The following STRN3 variants were observed in gnomAD, a reference collection of about 807,000 sequenced individuals.
STRN3 encodes striatin 3, also known as striatin-3.
Under a neutral mutation model 95.6 loss-of-function variants are expected in STRN3, and 29 were observed. That is an observed-to-expected ratio of 0.30 (90% CI 0.23 to 0.41). STRN3 has a LOEUF of 0.41. Among genes scored for constraint, STRN3 ranks in the 10% least tolerant of loss-of-function variants. The pLI is 1.00. For missense variants in STRN3, 890 were observed against 972.1 expected, an observed-to-expected ratio of 0.92 and a Z score of 1.12; for synonymous variants, 331 against 357.6, an observed-to-expected ratio of 0.93 and a Z score of 0.84.
intron 16 of STRN3, among the ~76,000 whole-genome samples, chr14:30,899,606 G>A (rs1896250214): frequency 6.6e-6 from 1 of 152,032 alleles, no homozygotes; most frequent in South Asian, 2.1e-4. Flanking sequence ...TTCTGTTCCT[G>A]AGAAAGTTTC....
At chr14:31,025,730 A>T in intron 1 of STRN3, 174 bp downstream of exon 1, 1 of 871,994 alleles carries the variant, frequency 1.1e-6, no homozygotes, top group Non-Finnish European at 1.7e-6. Flanking sequence ...TGCGGGAAAG[A>T]GGGAGGGGGA....
At chr14:30,977,429 C>G (rs757651310) in intron 1 of STRN3, among the ~76,000 whole-genome samples, 4 of 151,124 alleles carry the variant, frequency 2.6e-5, no homozygotes, top group Non-Finnish European at 5.9e-5. Flanking sequence ...GCCAGGCTAG[C>G]AAAAAAGGGG....
intron 14 of STRN3, 35 bp from the exon 15 acceptor site, chr14:30,905,593 A>G (rs776874248): frequency 1.3e-6 from 2 of 1,555,014 alleles, no homozygotes; most frequent in Non-Finnish European, 1.7e-6. Flanking sequence ...ATGTAAACAA[A>G]GTAAAATTAC....
intron 1 of STRN3, among the ~76,000 whole-genome samples, chr14:31,007,633 T>C (rs1183515859): frequency 6.6e-6 from 1 of 152,102 alleles, no homozygotes; most frequent in African/African-American, 2.4e-5. Flanking sequence ...TCAGGTGCAG[T>C]GGTTCACATC....
intron 9 of STRN3, among the ~76,000 whole-genome samples, chr14:30,914,284 C>T (rs1896679892): frequency 6.6e-6 from 1 of 152,190 alleles, no homozygotes; most frequent in Non-Finnish European, 1.5e-5. Flanking sequence ...AAAAATTCTT[C>T]CACCAACAAT....
intron 8 of STRN3, among the ~76,000 whole-genome samples, chr14:30,927,729 C>T (rs1283871265): frequency 6.6e-6 from 1 of 151,734 alleles, no homozygotes; most frequent in East Asian, 1.9e-4. Flanking sequence ...GAGATTGAGA[C>T]CATCCTGGCT....
Position 31,026,067 on chromosome 14 carries a change from C to T in STRN3, c.119G>A (p.Gly40Asp), listed in dbSNP as rs1241717390. The change falls in exon 1 of 18, where the codon GGC becomes GAC. Residue 40 changes from glycine to aspartate, a missense_variant. Gly to Asp is a moderately conservative substitution (Grantham distance 94). Transcript: ENST00000357479. ...LSPGGNGAAGGGGPPASEGAG... is the reference protein window; with the variant it reads ...LSPGGNGAAGDGGPPASEGAG... ...TCCCTCGGAGGCCGGAGGACCCCCG[C>T]CGCCCGCCGCTCCGTTCCCCCCGGG... The T allele has an allele frequency of 1.3e-6, 2 of 1,521,078 alleles. No homozygotes were observed. Among genetic ancestry groups the T allele is most frequent in the African/African-American group, 1.4e-5 (1 of 70,650 alleles). The allele number at this position is 1,521,078 out of a possible 1,614,324, so 94.2% of individuals were successfully genotyped here.
chr14:30,984,266 T>TAAAAAAAAAAAAAAA (rs755650146), intron 1 of STRN3, among the ~76,000 whole-genome samples: 2 of 86,856 alleles, frequency 2.3e-5, no homozygotes, highest in African/African-American at 9.9e-5. Context: ...TGAGGAATTC[T>TAAAAAAAAAAAAAAA]AAAAAAAAAA....
At chr14:30,969,045 T>C (rs184630658) in intron 1 of STRN3, among the ~76,000 whole-genome samples, 1 of 152,364 alleles carries the variant, frequency 6.6e-6, no homozygotes, top group African/African-American at 2.4e-5. Context: ...AGAGGTATCA[T>C]CCAGTTTTTC....
rs1389353703 is a variant in STRN3 at position 30,962,131 on chromosome 14, G to A, written c.283-5889C>T. ...CTTCCTAGGCCTTACGTAGGCATAG[G>A]TTAATATGTGTGTTTGTGTCTTCAT... On this transcript the variant is annotated intron_variant, in intron 1 of 17. Coordinates refer to ENST00000357479, the MANE Select transcript of STRN3 (RefSeq NM_001083893.2). 2.0e-5 allele frequency among the ~76,000 whole-genome samples: 3 copies of A among 152,060 alleles called. No homozygotes were observed. The East Asian group carries it at 5.8e-4, about 29-fold the overall frequency.
intron 5 of STRN3, among the ~76,000 whole-genome samples, chr14:30,943,759 G>A (rs750634636): frequency 6.6e-6 from 1 of 152,126 alleles, no homozygotes; most frequent in Non-Finnish European, 1.5e-5. Flanking sequence ...AAGACATTAC[G>A]CTAAGTAAAA....
rs181134138 is a variant in STRN3, at chr14:30,951,766, T to C, written c.461-822A>G. Reference sequence around the variant, plus strand: ...TTAAACCAGAAAATAGTTTTTACTATAGGTAGAGTCATTATTTTATTTTCA... The same window carrying C: ...TTAAACCAGAAAATAGTTTTTACTACAGGTAGAGTCATTATTTTATTTTCA... On this transcript the variant is annotated intron_variant, in intron 3 of 17. Coordinates refer to ENST00000357479, the MANE Select transcript of STRN3 (RefSeq NM_001083893.2). Among the ~76,000 whole-genome samples the C allele has an allele frequency of 1.6e-4, 25 of 152,176 alleles. 2 individuals are homozygous for C. Among genetic ancestry groups the C allele is most frequent in the Middle Eastern group, 3.4e-3 (1 of 294 alleles).
At chr14:30,912,290 T>C (rs1376408995) in intron 10 of STRN3, 108 bp from the exon 11 acceptor site, 1 of 1,031,282 alleles carries the variant, frequency 9.7e-7, no homozygotes, top group African/African-American at 1.6e-5. Context: ...TTTAAAACTG[T>C]TGGCTAAAAT....
chr14:31,023,801 T>A (rs1883627740), intron 1 of STRN3, among the ~76,000 whole-genome samples: 1 of 139,438 alleles, frequency 7.2e-6, no homozygotes, highest in African/African-American at 2.7e-5. Context: ...CTTATTAAGT[T>A]AACCCAATAA....
intron 1 of STRN3, among the ~76,000 whole-genome samples, chr14:31,014,355 G>C (rs764594907): frequency 2.0e-5 from 3 of 151,960 alleles, no homozygotes; most frequent in Non-Finnish European, 4.4e-5. Flanking sequence ...CGAGTAGCTG[G>C]AACTACAGGC....
chr14:30,927,855 C>G (rs1878262848), intron 8 of STRN3, among the ~76,000 whole-genome samples: 1 of 149,770 alleles, frequency 6.7e-6, no homozygotes, highest in Admixed American at 6.7e-5. Context: ...ATTGCTTGAA[C>G]CCGGGAGGCA....
chr14:30,983,101 T>G lies in STRN3; in HGVS notation c.283-26859A>C, dbSNP rs530323807. Among the ~76,000 whole-genome samples, 35 of 152,358 alleles carry G rather than the reference T, an allele frequency of 2.3e-4. 2 individuals carry two copies. The South Asian group carries it at 7.0e-3, about 31-fold the overall frequency. On this transcript the variant is annotated intron_variant, in intron 1 of 17. Coordinates refer to ENST00000357479, the MANE Select transcript of STRN3 (RefSeq NM_001083893.2). ...GCATATGTAAAGACTCAATAAATAT[T>G]TGGCAAATTTTTGTTGCTGAATAAA...
intron 1 of STRN3, among the ~76,000 whole-genome samples, chr14:30,963,651 C>A (rs935108386): frequency 1.3e-5 from 2 of 152,178 alleles, no homozygotes; most frequent in Non-Finnish European, 2.9e-5. Flanking sequence ...CTCAAGTGAT[C>A]TGCCCACCTT....
At chr14:30,904,234 A>T (rs982233762) in intron 15 of STRN3, among the ~76,000 whole-genome samples, 1 of 152,220 alleles carries the variant, frequency 6.6e-6, no homozygotes, top group African/African-American at 2.4e-5. Context: ...GTCATATGTC[A>T]TATCAGGAAG....
Sources: allele counts gnomAD v4.1 joint callset (sites outside exome capture counted in the v4.1 genomes callset), GRCh38; gene constraint gnomAD v4.1.1; transcripts MANE v1.5; gene names NCBI Gene and HGNC (gene_info 2026-07-23, HGNC 2026-07-21).